KDM5A: variants seen among roughly 807,000 people sequenced by gnomAD.
KDM5A encodes lysine-specific demethylase 5A.
In KDM5A, 42 loss-of-function variants were observed where a neutral mutation model predicts 193.5. The observed-to-expected ratio is 0.22, with a 90% CI of 0.17 to 0.28. KDM5A has a LOEUF of 0.28. Among genes scored for constraint, KDM5A ranks in the 10% least tolerant of loss-of-function variants. The probability of loss-of-function intolerance (pLI) is 1.00; values close to 1 mark genes in which losing one functional copy is unlikely to be tolerated. For missense variants in KDM5A, 1,692 were observed against 2,055.1 expected (o/e 0.82, Z 3.42); for synonymous variants, 796 against 718.1 (o/e 1.11, Z -1.73).
At chr12:368,834 C>T (rs781607390) in intron 3 of KDM5A, among the ~76,000 whole-genome samples, 1 of 152,152 alleles carries the variant, frequency 6.6e-6, no homozygotes, top group Non-Finnish European at 1.5e-5. Context: ...ACGGTGCCTA[C>T]ACCTCGTTAT....
chr12:335,769 C>T (rs1174932125), intron 10 of KDM5A, among the ~76,000 whole-genome samples: 6 of 151,970 alleles, frequency 3.9e-5, no homozygotes, highest in East Asian at 1.9e-4. Context: ...GGGCTGGGCA[C>T]GGTGGCTCAC....
At chr12:378,285 TA>T (rs542243378) in intron 3 of KDM5A, among the ~76,000 whole-genome samples, 2 of 151,924 alleles carry the variant, frequency 1.3e-5, no homozygotes, top group African/African-American at 4.8e-5. Flanking sequence ...CTTTTTTTTT[TA>T]AAGACAGGGT....
chr12:314,984 G>C (rs58498459), intron 19 of KDM5A, among the ~76,000 whole-genome samples: 6,865 of 152,240 alleles, frequency 0.045, 317 homozygotes, highest in African/African-American at 0.12. Context: ...GAAAACTAGA[G>C]AAGGATTTAA....
intron 18 of KDM5A, 53 bp downstream of exon 18, chr12:320,942 C>CAGTGA: frequency 8.1e-7 from 1 of 1,232,834 alleles, no homozygotes; most frequent in Non-Finnish European, 1.2e-6. Context: ...AAACCCAGAA[C>CAGTGA]AGTGGACCAT....
Position 282,686 on chromosome 12 carries a change from A to C in KDM5A, c.*2770T>G, listed in dbSNP as rs1943170544. ...TTCTATAACCTTTGCCAGAGTTAAA[A>C]TACTAATGATGAAGAATTGCAACTT... On this transcript the variant is annotated 3_prime_UTR_variant, in exon 28 of 28. Coordinates refer to ENST00000399788, the MANE Select transcript of KDM5A (RefSeq NM_001042603.3). 1 of 232,926 alleles carries C rather than the reference A, an allele frequency of 4.3e-6. No homozygotes were observed. The highest frequency in any genetic ancestry group is 8.5e-6 in the Non-Finnish European group (1 of 117,916). 14.4% of individuals were successfully genotyped at this position (232,926 alleles called of 1,614,324 possible).
intron 1 of KDM5A, 128 bp from the exon 2 acceptor site, chr12:386,102 T>C: frequency 1.5e-6 from 1 of 684,136 alleles, no homozygotes; most frequent in Non-Finnish European, 2.6e-6. Context: ...TCTTCTTTAT[T>C]ATAGAGACAG....
chr12:323,208 T>TAAAAAAAAAAAAAAAAA lies in KDM5A; in HGVS notation c.2151-3_2151-2insTTTTTTTTTTTTTTTTT. On this transcript the variant is annotated splice_region_variant and splice_polypyrimidine_tract_variant and intron_variant, in intron 15 of 27. Coordinates refer to ENST00000399788, the MANE Select transcript of KDM5A (RefSeq NM_001042603.3). ...AGGTCTTCTAATGGGTAGCGATATC[T>TAAAAAAAAAAAAAAAAA]ACAAAAAAAAAAAAAAAAAAAAAAA... The TAAAAAAAAAAAAAAAAA allele has an allele frequency of 9.5e-6, 1 of 105,072 alleles. No individual in the cohort carries two copies. Among genetic ancestry groups the TAAAAAAAAAAAAAAAAA allele is most frequent in the East Asian group, 2.6e-4 (1 of 3,790 alleles). The allele number at this position is 105,072 out of a possible 1,614,324, so 6.5% of individuals were successfully genotyped here.
intron 22 of KDM5A, among the ~76,000 whole-genome samples, chr12:308,253 T>G (rs961120916): frequency 6.6e-6 from 1 of 152,178 alleles, no homozygotes; most frequent in Non-Finnish European, 1.5e-5. Flanking sequence ...AAAGATGGCA[T>G]GCCTTGAAAT....
chr12:333,796 C>A (rs1943891920), intron 11 of KDM5A, 147 bp from the exon 12 acceptor site: 2 of 787,930 alleles, frequency 2.5e-6, no homozygotes, highest in African/African-American at 1.7e-5. Context: ...TCTTATAAAC[C>A]TGTGCTGTTG....
intron 3 of KDM5A, among the ~76,000 whole-genome samples, chr12:367,483 G>C (rs1408744021): frequency 6.6e-6 from 1 of 152,142 alleles, no homozygotes; most frequent in Non-Finnish European, 1.5e-5. Context: ...AATAGCCTGA[G>C]CTCAGGAGTT....
intron 13 of KDM5A, 115 bp downstream of exon 13, chr12:331,704 C>G: frequency 8.7e-7 from 1 of 1,147,150 alleles, no homozygotes; most frequent in Non-Finnish European, 1.3e-6. Flanking sequence ...CCAGTCTCCA[C>G]TAAAATACTG....
chr12:370,332 G>A (rs760638558), intron 3 of KDM5A, among the ~76,000 whole-genome samples: 7 of 152,234 alleles, frequency 4.6e-5, no homozygotes, highest in Admixed American at 6.5e-5. Flanking sequence ...GGCGGGGATT[G>A]CAGGGAGCTG....
intron 5 of KDM5A, among the ~76,000 whole-genome samples, chr12:361,199 T>TA (rs372848247): frequency 0.011 from 1,438 of 132,762 alleles, 31 homozygotes; most frequent in African/African-American, 0.04. Context: ...CCCCCCTCCA[T>TA]TTTTTTTTTT....
chr12:291,323 A>G lies in KDM5A; in HGVS notation c.4866+1436T>C, dbSNP rs7954277. ...AAAATGAATAGAATACCCCTAATACATCTCATTTAAATATGTGTCATTTAG... is the reference window on the plus strand; with the variant it reads ...AAAATGAATAGAATACCCCTAATACGTCTCATTTAAATATGTGTCATTTAG... On this transcript the variant is annotated intron_variant, in intron 27 of 27. Transcript: ENST00000399788. 3.0e-3 allele frequency among the ~76,000 whole-genome samples: 454 copies of G among 152,302 alleles called. 1 individual carries two copies. Among genetic ancestry groups the G allele is most frequent in the African/African-American group, 0.01 (433 of 41,584 alleles).
intron 5 of KDM5A, among the ~76,000 whole-genome samples, chr12:356,847 C>T (rs975715530): frequency 6.6e-6 from 1 of 152,216 alleles, no homozygotes; most frequent in Admixed American, 6.5e-5. Flanking sequence ...TCCTACCGGA[C>T]ACCTGTATTT....
intron 24 of KDM5A, among the ~76,000 whole-genome samples, chr12:298,083 A>T (rs1446926762): frequency 6.6e-6 from 1 of 152,222 alleles, no homozygotes; most frequent in Non-Finnish European, 1.5e-5. Flanking sequence ...TCCCTGGGAC[A>T]GAGCACCTGG....
chr12:304,152 T>G (rs559926647), intron 24 of KDM5A, among the ~76,000 whole-genome samples: 1 of 152,316 alleles, frequency 6.6e-6, no homozygotes, highest in South Asian at 2.1e-4. Flanking sequence ...CAGGACAGAC[T>G]TTGCTTCATT....
At chr12:373,143 A>T (rs1274484765) in intron 3 of KDM5A, among the ~76,000 whole-genome samples, 6 of 152,140 alleles carry the variant, frequency 3.9e-5, no homozygotes, top group African/African-American at 1.4e-4. Context: ...TGTTCTATTG[A>T]CTGGAATAGT....
rs373988649 is a variant in KDM5A at position 310,866 on chromosome 12, A to G, written c.3216+19T>C. ...ACTTAAATTATCAGCTGCTTATGAG[A>G]GTGTTGAAGTTCAAGTACCTGTAAC... On this transcript the variant is annotated intron_variant, in intron 21 of 27. Coordinates refer to ENST00000399788, the MANE Select transcript of KDM5A (RefSeq NM_001042603.3). 2 of 1,611,896 alleles carry G rather than the reference A, an allele frequency of 1.2e-6. No homozygotes were observed. Among genetic ancestry groups the G allele is most frequent in the African/African-American group, 1.3e-5 (1 of 74,850 alleles).
Sources: allele counts gnomAD v4.1 joint callset (sites outside exome capture counted in the v4.1 genomes callset), GRCh38; gene constraint gnomAD v4.1.1; transcripts MANE v1.5; gene names NCBI Gene and HGNC (gene_info 2026-07-23, HGNC 2026-07-21).